The following MOCOS variants were observed in gnomAD, a reference collection of about 807,000 sequenced individuals.
MOCOS encodes the protein molybdenum cofactor sulfurase.
MOCOS carries 86 observed loss-of-function variants against 83.6 expected under a neutral mutation model. The ratio of observed to expected loss-of-function variants is 1.03; its 90% confidence interval spans 0.86 to 1.23. MOCOS has a LOEUF of 1.23. MOCOS is among the 50% of genes most tolerant of loss of function. The pLI is 0.00. For synonymous variants in MOCOS, 445 were observed against 434.7 expected (o/e 1.02, Z -0.29); for missense variants, 1,120 against 1,126.9 (o/e 0.99, Z 0.09).
intron 9 of MOCOS, among the ~76,000 whole-genome samples, chr18:36,229,376 G>A (rs1314190591): frequency 1.3e-5 from 2 of 152,094 alleles, no homozygotes; most frequent in South Asian, 2.1e-4. Context: ...AAAATCCACT[G>A]ATTGTATTAT....
Position 36,215,512 on chromosome 18 carries a change from C to G in MOCOS, c.1336-4C>G. The G allele has an allele frequency of 6.2e-7, 1 of 1,613,392 alleles. No individual in the cohort carries two copies. Among genetic ancestry groups the G allele is most frequent in the Non-Finnish European group, 8.5e-7 (1 of 1,179,768 alleles). On this transcript the variant is annotated splice_polypyrimidine_tract_variant and splice_region_variant and intron_variant, in intron 7 of 14. Transcript: ENST00000261326. ...CTGGCTGATGCACTTCCCTCTTATC[C>G]TAGGCTGGTCATGTCTGTGGGGACA...
At position 36,263,850 on chromosome 18, in the gene MOCOS, A is replaced by G. The variant is rs141969971; in HGVS notation, c.2410-2899A>G. On this transcript the variant is annotated intron_variant, in intron 13 of 14. Coordinates refer to ENST00000261326, the MANE Select transcript of MOCOS (RefSeq NM_017947.4). Reference sequence around the variant, plus strand: ...AGAATACCAGAAAAGAAGCTTTAAAATGAAGATTTTTTAAGAAAATTGTTT... The same window carrying G: ...AGAATACCAGAAAAGAAGCTTTAAAGTGAAGATTTTTTAAGAAAATTGTTT... 1.6e-4 allele frequency among the ~76,000 whole-genome samples: 25 copies of G among 152,340 alleles called. No individual in the cohort carries two copies. In the East Asian group the frequency reaches 4.8e-3, roughly 29 times the overall value.
Position 36,269,485 on chromosome 18 carries a change from A to G in MOCOS, c.*800A>G, listed in dbSNP as rs2091692544. On this transcript the variant is annotated 3_prime_UTR_variant, in exon 15 of 15. Transcript: ENST00000261326. ...TTTGGCATTCAGGAATCCTGTCTGT[A>G]TCATCTTTGACCACTGCTCCTGCAG... 1 of 152,302 alleles carries G rather than the reference A, an allele frequency of 6.6e-6. No individual in the cohort carries two copies. The allele number at this position is 152,302 out of a possible 1,614,324, so 9.4% of individuals were successfully genotyped here.
chr18:36,250,271 T>C (rs1215097847), intron 10 of MOCOS, among the ~76,000 whole-genome samples: 1 of 152,220 alleles, frequency 6.6e-6, no homozygotes. Context: ...AGGTCTGTGC[T>C]CAGTAGATGG....
intron 9 of MOCOS, 83 bp from the exon 10 acceptor site, chr18:36,248,839 C>T: frequency 1.7e-6 from 2 of 1,179,976 alleles, no homozygotes; most frequent in Non-Finnish European, 2.5e-6. Context: ...GTTTTGGTTA[C>T]TACAGCTTTG....
chr18:36,195,234 A>G, intron 1 of MOCOS, 23 bp from the exon 2 acceptor site: 1 of 1,605,354 alleles, frequency 6.2e-7, no homozygotes, highest in Admixed American at 1.7e-5. Context: ...AAATTTTAGT[A>G]TTTATTTTGT....
intron 1 of MOCOS, among the ~76,000 whole-genome samples, chr18:36,191,466 C>T (rs115895202): frequency 0.016 from 2,401 of 152,204 alleles, 70 homozygotes; most frequent in African/African-American, 0.055. Flanking sequence ...CTTTTTGAGA[C>T]GGGGACTTGC....
chr18:36,215,600 A>G lies in MOCOS; in HGVS notation c.1420A>G (p.Thr474Ala). 1 of 1,614,166 alleles carries G rather than the reference A, an allele frequency of 6.2e-7. No homozygotes were observed. Among genetic ancestry groups the G allele is most frequent in the Non-Finnish European group, 8.5e-7 (1 of 1,180,028 alleles). ...SVRISFGYMS[T>A]LDDVQAFLRF... ...GAGGATTTCATTTGGATACATGTCG[A>G]CGCTGGATGATGTCCAGGCCTTTCT... The change falls in exon 8 of 15, where the codon ACG (threonine) becomes GCG (alanine). Residue 474 changes from threonine (T) to alanine (A), a missense_variant. Physicochemically the swap from Thr to Ala is moderately conservative, Grantham distance 58. Transcript: ENST00000261326.
intron 9 of MOCOS, among the ~76,000 whole-genome samples, chr18:36,221,617 CTGTTCTGTTCTG>C (rs2091496202): frequency 1.4e-5 from 1 of 72,012 alleles, no homozygotes; most frequent in Non-Finnish European, 2.8e-5. Context: ...CTGTTCTGTT[CTGTTCTGTTCTG>C]TTCTGTTCTG....
intron 12 of MOCOS, 56 bp from the exon 13 acceptor site, chr18:36,259,981 T>C (rs2091657531): frequency 6.2e-7 from 1 of 1,604,044 alleles, no homozygotes; most frequent in Non-Finnish European, 8.5e-7. Context: ...ATTATTATAG[T>C]GGTACAATTA....
chr18:36,242,081 C>T (rs748261561), intron 9 of MOCOS, among the ~76,000 whole-genome samples: 7 of 152,250 alleles, frequency 4.6e-5, no homozygotes, highest in Admixed American at 1.3e-4. Flanking sequence ...TGGCAATTAA[C>T]ATTTGGCTCC....
In MOCOS at chr18:36,269,829, C is replaced by T. The variant is rs2091693492; in HGVS notation, c.*1144C>T. The T allele has an allele frequency of 1.3e-5, 2 of 152,340 alleles. No homozygotes were observed. The highest frequency in any genetic ancestry group is 2.9e-5 in the Non-Finnish European group (2 of 68,130). 9.4% of individuals were successfully genotyped at this position (152,340 alleles called of 1,614,324 possible). A position where few individuals can be genotyped will look rare whatever the true frequency, so the allele number is the denominator to read the frequency against. On this transcript the variant is annotated 3_prime_UTR_variant, in exon 15 of 15. Coordinates refer to ENST00000261326, the MANE Select transcript of MOCOS (RefSeq NM_017947.4). ...GTCTGCCTGCTGCAGCCCACTGCATCTTTTGAAAGCCTGTGCCACCCCATC... is the reference window on the plus strand; with the variant it reads ...GTCTGCCTGCTGCAGCCCACTGCATTTTTTGAAAGCCTGTGCCACCCCATC...
chr18:36,242,175 G>A (rs1340899504), intron 9 of MOCOS, among the ~76,000 whole-genome samples: 1 of 152,160 alleles, frequency 6.6e-6, no homozygotes, highest in African/African-American at 2.4e-5. Context: ...CTTATGCTCT[G>A]CTACCCTCCC....
chr18:36,205,191 C>CT lies in MOCOS; in HGVS notation c.1134dup (p.Glu379Ter). On this transcript the variant is annotated frameshift_variant, in exon 6 of 15. Coordinates refer to ENST00000261326, the MANE Select transcript of MOCOS (RefSeq NM_017947.4). LOFTEE classifies it high-confidence loss of function. ...CCTGTGGTGCGGATTTACAGCGATT[C>CT]TGAGTTCAGCAGCCCTGAGGTTCAG... is the stretch of plus-strand genomic sequence containing the variant. 6.2e-7 allele frequency: 1 copy of CT among 1,613,954 alleles called. No individual in the cohort carries two copies. Among genetic ancestry groups the CT allele is most frequent in the South Asian group, 1.1e-5 (1 of 91,058 alleles).
chr18:36,255,464 G>A lies in MOCOS; in HGVS notation c.2165-1504G>A, dbSNP rs1009974097. Among the ~76,000 whole-genome samples, 12 of 152,142 alleles carry A rather than the reference G, an allele frequency of 7.9e-5. No homozygotes were observed. In the South Asian group the frequency reaches 1.0e-3, roughly 13 times the overall value. The stretch of plus-strand genomic sequence containing the variant: ...TTAGAGACTTTTATTTTCTCAGCTC[G>A]GACTCCAGGGTTTTGAATGGGGCTT... On this transcript the variant is annotated intron_variant, in intron 11 of 14. Transcript: ENST00000261326.
chr18:36,215,705 G>C lies in MOCOS; in HGVS notation c.1525G>C (p.Gly509Arg). 6.2e-7 allele frequency: 1 copy of C among 1,614,166 alleles called. No individual in the cohort carries two copies. The highest frequency in any genetic ancestry group is 8.5e-7 in the Non-Finnish European group (1 of 1,180,010). ...GGCCCATGCTGACACCGGGGAGACT[G>C]GAGCCCCATCAGCAGACAGCCAGGC... Reference protein sequence around the residue: ...PQAHADTGETGAPSADSQADV... With the variant: ...PQAHADTGETRAPSADSQADV... The change falls in exon 8 of 15, where the codon GGA (glycine) becomes CGA (arginine). Residue 509 changes from glycine to arginine, a missense_variant. By Grantham distance (125) the Gly-to-Arg change is moderately radical. Coordinates refer to ENST00000261326, the MANE Select transcript of MOCOS (RefSeq NM_017947.4).
chr18:36,234,015 G>C (rs1194501822), intron 9 of MOCOS, among the ~76,000 whole-genome samples: 1 of 152,118 alleles, frequency 6.6e-6, no homozygotes, highest in African/African-American at 2.4e-5. Flanking sequence ...TATTTCTTTT[G>C]CTGTGCAGAA....
chr18:36,220,044 T>C lies in MOCOS; in HGVS notation c.1798-11T>C. On this transcript the variant is annotated splice_polypyrimidine_tract_variant and intron_variant, in intron 8 of 14. Coordinates refer to ENST00000261326, the MANE Select transcript of MOCOS (RefSeq NM_017947.4). ...AGCCCTGGCCTGAGACACGTCTACC[T>C]TTTTGTTTAGGTGACCAGGTGGCCT... The C allele has an allele frequency of 1.2e-6, 2 of 1,612,576 alleles. No homozygotes were observed. The highest frequency in any genetic ancestry group is 1.7e-6 in the Non-Finnish European group (2 of 1,179,984).
At position 36,215,405 on chromosome 18, in the gene MOCOS, C is replaced by A. The variant is rs575313025; in HGVS notation, c.1336-111C>A. The A allele has an allele frequency of 2.7e-5, 28 of 1,025,020 alleles. No homozygotes were observed. The East Asian group carries it at 7.0e-4, about 26-fold the overall frequency. 63.5% of individuals were successfully genotyped at this position (1,025,020 alleles called of 1,614,324 possible). On this transcript the variant is annotated intron_variant, in intron 7 of 14. Coordinates refer to ENST00000261326, the MANE Select transcript of MOCOS (RefSeq NM_017947.4). ...CACAGCACATATTAATGTTGCAGTT[C>A]TGTTTTCCTGGGTTAATTTTAAAAT...
Sources: gnomAD v4.1 joint callset for allele counts (sites outside exome capture counted in the v4.1 genomes callset) on GRCh38, gnomAD v4.1.1 for gene constraint, MANE v1.5 for transcripts, NCBI Gene and HGNC (gene_info 2026-07-23, HGNC 2026-07-21) for gene names.